The following COMMD7 variants were observed in gnomAD, a reference collection of about 807,000 sequenced individuals.
The protein encoded by COMMD7 is COMM domain containing 7.
A neutral mutation model predicts 34.8 loss-of-function variants in COMMD7; 28 were observed. The ratio of observed to expected loss-of-function variants is 0.80; its 90% confidence interval spans 0.60 to 1.10. The LOEUF (loss-of-function observed/expected upper bound fraction) is 1.10. COMMD7 is among the 50% of genes least tolerant of loss of function. The probability of loss-of-function intolerance (pLI) is 0.00; values close to 1 mark genes in which losing one functional copy is unlikely to be tolerated. For synonymous variants in COMMD7, 80 were observed against 86.4 expected, an observed-to-expected ratio of 0.93 and a Z score of 0.41; for missense variants, 211 against 241.6, an observed-to-expected ratio of 0.87 and a Z score of 0.84.
rs1983859510 is a variant in COMMD7 at position 32,703,317 on chromosome 20, A to G, written c.*65T>C. 1.4e-6 allele frequency: 2 copies of G among 1,463,640 alleles called. No homozygotes were observed. The highest frequency in any genetic ancestry group is 1.2e-5 in the South Asian group (1 of 84,008). The allele number at this position is 1,463,640 out of a possible 1,614,324, so 90.7% of individuals were successfully genotyped here. ...CAGGCCTGTGAGTGAAGTGCCTCTC[A>G]GAGCAGTCACCCAGGGAAGGGAGGA... is the stretch of plus-strand genomic sequence containing the variant. On this transcript the variant is annotated 3_prime_UTR_variant, in exon 9 of 9. Coordinates refer to ENST00000278980, the MANE Select transcript of COMMD7 (RefSeq NM_053041.3).
intron 1 of COMMD7, among the ~76,000 whole-genome samples, chr20:32,737,457 G>A (rs1380234256): frequency 1.3e-5 from 2 of 150,790 alleles, no homozygotes; most frequent in Non-Finnish European, 3.0e-5. Context: ...CTTGAGCCTG[G>A]GAGGTCGAGG....
At chr20:32,735,344 GTCTC>G (rs967322283) in intron 1 of COMMD7, among the ~76,000 whole-genome samples, 18 of 152,046 alleles carry the variant, frequency 1.2e-4, no homozygotes, top group African/African-American at 4.1e-4. Flanking sequence ...TTGAGACAGA[GTCTC>G]TCTGTGTCAC....
At chr20:32,728,022 G>A (rs777422107) in intron 2 of COMMD7, 27 bp from the exon 3 acceptor site, 27 of 1,612,324 alleles carry the variant, frequency 1.7e-5, no homozygotes, top group South Asian at 3.3e-5. Flanking sequence ...GTGAAAACCC[G>A]GGCCTTCACT....
At chr20:32,715,833 A>G (rs1420897416) in intron 3 of COMMD7, among the ~76,000 whole-genome samples, 2 of 152,166 alleles carry the variant, frequency 1.3e-5, no homozygotes, top group Non-Finnish European at 2.9e-5. Context: ...TCAAAAATAA[A>G]TAAATTAATA....
At chr20:32,722,009 C>T (rs1042083210) in intron 3 of COMMD7, among the ~76,000 whole-genome samples, 3 of 150,950 alleles carry the variant, frequency 2.0e-5, no homozygotes, top group Non-Finnish European at 3.0e-5. Flanking sequence ...TGCAGTGAGC[C>T]GAGATCACGT....
intron 1 of COMMD7, 34 bp downstream of exon 1, chr20:32,743,274 G>GGCCCCGC (rs1986537530): frequency 1.4e-6 from 2 of 1,452,462 alleles, no homozygotes; most frequent in Non-Finnish European, 1.8e-6. Context: ...GAATCACCTG[G>GGCCCCGC]GCCCCGCGCC....
At chr20:32,727,220 C>T (rs1395883271) in intron 3 of COMMD7, among the ~76,000 whole-genome samples, 1 of 149,560 alleles carries the variant, frequency 6.7e-6, no homozygotes. Context: ...GAGCAAGACC[C>T]TGTCAAAAAA....
chr20:32,718,143 G>A (rs918408332), intron 3 of COMMD7, among the ~76,000 whole-genome samples: 6 of 151,794 alleles, frequency 4.0e-5, no homozygotes, highest in African/African-American at 7.3e-5. Flanking sequence ...GGTGGCTCAC[G>A]CCTGTAATCC....
Position 32,706,473 on chromosome 20 carries a change from GC to G in COMMD7, c.336+109del, listed in dbSNP as rs1018844796. The G allele has an allele frequency of 4.9e-6, 4 of 812,710 alleles. No homozygotes were observed. The African/African-American group carries it at 7.0e-5, about 14-fold the overall frequency. 50.3% of individuals were successfully genotyped at this position (812,710 alleles called of 1,614,324 possible). Reference sequence around the variant, plus strand: ...GGTTGTGGTGAGCCGAGATCACACTGCCACTGCACTCCAGCCTGGACAGAAT... The same window carrying G: ...GGTTGTGGTGAGCCGAGATCACACTGCACTGCACTCCAGCCTGGACAGAAT... On this transcript the variant is annotated intron_variant, in intron 5 of 8. Transcript: ENST00000278980.
At chr20:32,703,652 A>C in intron 8 of COMMD7, 194 bp from the exon 9 acceptor site, 1 of 1,436,852 alleles carries the variant, frequency 7.0e-7, no homozygotes, top group Non-Finnish European at 9.1e-7. Flanking sequence ...AAAGGAAAAA[A>C]AAGGGGAGTG....
At chr20:32,732,416 A>G (rs1408191812) in intron 1 of COMMD7, among the ~76,000 whole-genome samples, 2 of 152,054 alleles carry the variant, frequency 1.3e-5, no homozygotes, top group African/African-American at 4.8e-5. Flanking sequence ...AAGTGATTAT[A>G]CCCCTCGACC....
intron 3 of COMMD7, among the ~76,000 whole-genome samples, chr20:32,711,148 G>A (rs1262412122): frequency 6.6e-6 from 1 of 152,124 alleles, no homozygotes; most frequent in East Asian, 1.9e-4. Flanking sequence ...CATAATCCCA[G>A]CACTTTGGGA....
chr20:32,721,207 C>T (rs965537063), intron 3 of COMMD7, among the ~76,000 whole-genome samples: 6 of 152,204 alleles, frequency 3.9e-5, no homozygotes, highest in African/African-American at 1.4e-4. Context: ...TGCGGTGGCT[C>T]ATGCCTGTAA....
In COMMD7 at chr20:32,712,269, CAAAAAAAAA is replaced by C. The variant is rs56096713; in HGVS notation, c.242-5518_242-5510del. ...TGGGCCACAGAGCAAGACTCCGTCTCAAAAAAAAAAAAAAAAAAAAAAAAAGAGAGAGAT... is the reference window on the plus strand; with the variant it reads ...TGGGCCACAGAGCAAGACTCCGTCTCAAAAAAAAAAAAAAAAGAGAGAGAT... On this transcript the variant is annotated intron_variant, in intron 3 of 8. Coordinates refer to ENST00000278980, the MANE Select transcript of COMMD7 (RefSeq NM_053041.3). Among the ~76,000 whole-genome samples, 595 of 71,826 alleles carry C rather than the reference CAAAAAAAAA, an allele frequency of 8.3e-3. 9 individuals carry two copies. Among genetic ancestry groups the C allele is most frequent in the African/African-American group, 0.034 (556 of 16,276 alleles). 47.1% of individuals were successfully genotyped at this position (71,826 alleles called of 152,430 possible).
At chr20:32,740,183 C>T (rs1404388087) in intron 1 of COMMD7, among the ~76,000 whole-genome samples, 2 of 122,600 alleles carry the variant, frequency 1.6e-5, no homozygotes, top group African/African-American at 6.3e-5. Flanking sequence ...CGGGCATGGT[C>T]GCAGGCAGCT....
chr20:32,706,878 C>A, intron 3 of COMMD7, 118 bp from the exon 4 acceptor site: 1 of 744,666 alleles, frequency 1.3e-6, no homozygotes, highest in Non-Finnish European at 2.4e-6. Flanking sequence ...AAAGACTGGC[C>A]AGCTCCAAGA....
chr20:32,703,998 G>C (rs1029240715), intron 8 of COMMD7, 25 bp downstream of exon 8: 7 of 1,613,804 alleles, frequency 4.3e-6, no homozygotes, highest in Admixed American at 1.7e-5. Context: ...AAGGTGAAGA[G>C]GCTCAAGTGG....
chr20:32,740,977 T>C lies in COMMD7; in HGVS notation c.84+2331A>G, dbSNP rs149286333. Among the ~76,000 whole-genome samples, 656 of 152,020 alleles carry C rather than the reference T, an allele frequency of 4.3e-3. 7 individuals are homozygous for C. The East Asian group carries it at 0.051, about 12-fold the overall frequency. On this transcript the variant is annotated intron_variant, in intron 1 of 8. Coordinates refer to ENST00000278980, the MANE Select transcript of COMMD7 (RefSeq NM_053041.3). ...GGCCAACATGGTGAAACGCTGTCTC[T>C]ACTAAAAATACAAAAATTAGCCAGG...
intron 8 of COMMD7, 65 bp from the exon 9 acceptor site, chr20:32,703,523 AATTTCC>A: frequency 6.4e-7 from 1 of 1,570,164 alleles, no homozygotes; most frequent in Non-Finnish European, 8.6e-7. Context: ...CAAGAAAATT[AATTTCC>A]ACCCGGAGGA....
Sources: gnomAD v4.1 joint callset for allele counts (sites outside exome capture counted in the v4.1 genomes callset) on GRCh38, gnomAD v4.1.1 for gene constraint, MANE v1.5 for transcripts, NCBI Gene and HGNC (gene_info 2026-07-23, HGNC 2026-07-21) for gene names.